ZFHX3: variants seen among roughly 807,000 people sequenced by gnomAD.
The protein encoded by ZFHX3 is zinc finger homeobox protein 3.
In ZFHX3, 42 loss-of-function variants were observed where a neutral mutation model predicts 279.1. That is an observed-to-expected ratio of 0.15 (90% confidence interval 0.12 to 0.19). The LOEUF is 0.19. Ranked by LOEUF, ZFHX3 falls within the 10% of genes least tolerant of loss-of-function variation. The probability of loss-of-function intolerance (pLI) is 1.00; values close to 1 mark genes in which losing one functional copy is unlikely to be tolerated. For missense variants in ZFHX3, 4,981 were observed against 4,754.0 expected, an observed-to-expected ratio of 1.05 and a Z score of -1.40; for synonymous variants, 2,293 against 1,957.8, an observed-to-expected ratio of 1.17 and a Z score of -4.52.
At chr16:73,090,737 A>C (rs1388189177) in intron 8 of ZFHX3, among the ~76,000 whole-genome samples, 2 of 151,418 alleles carry the variant, frequency 1.3e-5, no homozygotes, top group Non-Finnish European at 2.9e-5. Context: ...AAAAAAAAAA[A>C]ACAAAACAAA....
At chr16:73,678,654 T>C (rs780343403) in intron 2 of ZFHX3, among the ~76,000 whole-genome samples, 2 of 152,080 alleles carry the variant, frequency 1.3e-5, no homozygotes, top group Non-Finnish European at 2.9e-5. Flanking sequence ...AGTGTCTGGA[T>C]ATGACTCACC....
chr16:73,311,786 C>CA (rs1206395343), intron 4 of ZFHX3, among the ~76,000 whole-genome samples: 1 of 152,058 alleles, frequency 6.6e-6, no homozygotes, highest in Non-Finnish European at 1.5e-5. Context: ...CCAAACTTAA[C>CA]AAGACGAAAT....
intron 3 of ZFHX3, among the ~76,000 whole-genome samples, chr16:73,396,294 C>T (rs146695925): frequency 2.6e-5 from 4 of 152,296 alleles, no homozygotes; most frequent in Non-Finnish European, 5.9e-5. Flanking sequence ...ATATCTTGCA[C>T]GGTGCAAGTA....
chr16:73,730,644 G>A (rs777369330), intron 1 of ZFHX3, among the ~76,000 whole-genome samples: 1 of 152,164 alleles, frequency 6.6e-6, no homozygotes, highest in African/African-American at 2.4e-5. Flanking sequence ...ACTCATGTGC[G>A]ACTGAAAAGA....
chr16:73,276,005 G>A (rs1288733120), intron 4 of ZFHX3, among the ~76,000 whole-genome samples: 2 of 151,970 alleles, frequency 1.3e-5, no homozygotes, highest in Non-Finnish European at 2.9e-5. Flanking sequence ...AGGGAAGGAT[G>A]ATATTGGGAA....
At chr16:73,009,400 T>C (rs566999327) in intron 1 of ZFHX3, among the ~76,000 whole-genome samples, 75 of 152,206 alleles carry the variant, frequency 4.9e-4, no homozygotes, top group South Asian at 1.2e-3. Context: ...TTGTATGTAA[T>C]TGCAAACACC....
chr16:73,774,683 C>T (rs13333515), intron 1 of ZFHX3, among the ~76,000 whole-genome samples: 6,156 of 152,298 alleles, frequency 0.04, 225 homozygotes, highest in African/African-American at 0.085. Flanking sequence ...AACAGCTGGG[C>T]AACATCACTA....
chr16:72,898,746 CAAAAA>C (rs34647860), intron 3 of ZFHX3, among the ~76,000 whole-genome samples: 5 of 128,164 alleles, frequency 3.9e-5, no homozygotes, highest in East Asian at 2.3e-4. Context: ...AACCCTGTCT[CAAAAA>C]AAAAAAAAAA....
At chr16:73,487,164 A>T (rs1389487891) in intron 2 of ZFHX3, among the ~76,000 whole-genome samples, 1 of 152,246 alleles carries the variant, frequency 6.6e-6, no homozygotes, top group Non-Finnish European at 1.5e-5. Flanking sequence ...AAGACTATCA[A>T]TAGGGAGAGT....
chr16:73,232,247 C>G (rs1468348325), intron 5 of ZFHX3: 12 of 152,286 alleles, frequency 7.9e-5, no homozygotes. Flanking sequence ...ACGAGCCTCC[C>G]TGCCCCTGCT....
At chr16:73,332,898 A>T (rs1370938482) in intron 3 of ZFHX3, among the ~76,000 whole-genome samples, 1 of 152,186 alleles carries the variant, frequency 6.6e-6, no homozygotes, top group Non-Finnish European at 1.5e-5. Context: ...AATTAGCAAC[A>T]AACCTAGAAA....
intron 2 of ZFHX3, among the ~76,000 whole-genome samples, chr16:73,553,996 T>A (rs899085113): frequency 2.0e-5 from 3 of 152,214 alleles, no homozygotes; most frequent in Non-Finnish European, 4.4e-5. Context: ...AACAAACTAG[T>A]CTGAACTGCT....
At chr16:73,698,838 C>A (rs1388199015) in intron 1 of ZFHX3, among the ~76,000 whole-genome samples, 2 of 150,842 alleles carry the variant, frequency 1.3e-5, no homozygotes, top group South Asian at 2.1e-4. Context: ...GTGGAAAAAA[C>A]CAATGCAATT....
intron 2 of ZFHX3, among the ~76,000 whole-genome samples, chr16:73,601,800 G>C (rs1302547112): frequency 6.6e-6 from 1 of 152,160 alleles, no homozygotes; most frequent in Non-Finnish European, 1.5e-5. Flanking sequence ...TGAACGGAAA[G>C]CACGTTACTG....
chr16:73,305,458 G>A (rs377432483), intron 4 of ZFHX3, among the ~76,000 whole-genome samples: 3 of 152,074 alleles, frequency 2.0e-5, no homozygotes, highest in Admixed American at 1.3e-4. Context: ...CTTCCAAAGT[G>A]AGATGTTATG....
chr16:73,049,588 T>G (rs1487390127), upstream of ZFHX3, among the ~76,000 whole-genome samples: 1 of 150,846 alleles, frequency 6.6e-6, no homozygotes, highest in East Asian at 1.9e-4. Flanking sequence ...CTGGGGAAAT[T>G]TATTTATTTA....
At chr16:73,275,597 A>C (rs1038874821) in intron 4 of ZFHX3, among the ~76,000 whole-genome samples, 1 of 152,238 alleles carries the variant, frequency 6.6e-6, no homozygotes, top group Non-Finnish European at 1.5e-5. Flanking sequence ...TGAGTAGCAC[A>C]ATAAAGTGAG....
intron 1 of ZFHX3, among the ~76,000 whole-genome samples, chr16:73,877,427 T>C (rs1171642460): frequency 2.0e-5 from 3 of 152,186 alleles, no homozygotes; most frequent in Non-Finnish European, 4.4e-5. Flanking sequence ...AGCTAGTGGT[T>C]ACTATGGTGA....
intron 1 of ZFHX3, among the ~76,000 whole-genome samples, chr16:72,962,024 G>A (rs758060485): frequency 5.1e-4 from 78 of 152,334 alleles, no homozygotes; most frequent in Non-Finnish European, 1.0e-3. Context: ...CTGATTGGCT[G>A]GATGACATCT....
Sources: allele counts gnomAD v4.1 joint callset (sites outside exome capture counted in the v4.1 genomes callset), GRCh38; gene constraint gnomAD v4.1.1; transcripts MANE v1.5; gene names NCBI Gene and HGNC (gene_info 2026-07-23, HGNC 2026-07-21).